The following ARHGEF37 variants were observed in gnomAD, a reference collection of about 807,000 sequenced individuals.
ARHGEF37 encodes Rho guanine nucleotide exchange factor (GEF) 37.
Under a neutral mutation model 71.1 loss-of-function variants are expected in ARHGEF37, and 55 were observed. The observed-to-expected ratio is 0.77, with a 90% CI of 0.62 to 0.97. The LOEUF is 0.97. Among genes scored for constraint, ARHGEF37 ranks in the 50% least tolerant of loss-of-function variants. The probability of loss-of-function intolerance (pLI) is 0.00; values close to 1 mark genes in which losing one functional copy is unlikely to be tolerated. For synonymous variants in ARHGEF37, 327 were observed against 350.6 expected (o/e 0.93, Z 0.75); for missense variants, 765 against 836.8 (o/e 0.91, Z 1.06).
chr5:149,618,986 T>C lies in ARHGEF37; in HGVS notation c.838T>C (p.Ser280Pro), dbSNP rs1222849327. 6.2e-7 allele frequency: 1 copy of C among 1,614,136 alleles called. No homozygotes were observed. Among genetic ancestry groups the C allele is most frequent in the South Asian group, 1.1e-5 (1 of 91,076 alleles). ...TTTAGAAGAGAGGTTCCAGTGGGTG[T>C]CTCTGTGTGTGACTGAGCTGAAGAA... The part of the protein sequence containing the change: ...DDLEERFQWV[S>P]LCVTELKNNV... Residue 280 changes from serine (S) to proline (P), a missense_variant, in exon 7 of 13, where the codon TCT becomes CCT. Ser to Pro is a moderately conservative substitution (Grantham distance 74, BLOSUM62 -1). Coordinates refer to ENST00000333677, the MANE Select transcript of ARHGEF37 (RefSeq NM_001001669.3).
chr5:149,619,401 C>T (rs924236026), intron 7 of ARHGEF37, among the ~76,000 whole-genome samples: 1 of 152,148 alleles, frequency 6.6e-6, no homozygotes, highest in African/African-American at 2.4e-5. Context: ...AACAGGCAAT[C>T]CAATGCAATA....
chr5:149,573,177 G>A (rs959096013), intron 1 of ARHGEF37, among the ~76,000 whole-genome samples: 22 of 152,102 alleles, frequency 1.4e-4, no homozygotes, highest in African/African-American at 5.3e-4. Context: ...ACTACCTTGA[G>A]GATGGTACCA....
upstream of ARHGEF37, among the ~76,000 whole-genome samples, chr5:149,581,241 C>T (rs1433852854): frequency 1.3e-5 from 2 of 152,188 alleles, no homozygotes; most frequent in Non-Finnish European, 2.9e-5. Flanking sequence ...ATGACGAGCC[C>T]GCGGAGAAGG....
rs1763784245 is a variant in ARHGEF37, at chr5:149,602,460, G to C, written c.310+1229G>C. Among the ~76,000 whole-genome samples the C allele has an allele frequency of 2.0e-5, 3 of 151,566 alleles. No individual in the cohort carries two copies. The South Asian group carries it at 6.3e-4, about 32-fold the overall frequency. On this transcript the variant is annotated intron_variant, in intron 3 of 12. Coordinates refer to ENST00000333677, the MANE Select transcript of ARHGEF37 (RefSeq NM_001001669.3). ...CAGTTGGGGGCTTTACTGTGGCCCA[G>C]ATGAGAAATGAGGATAGTCTCCTTT...
In ARHGEF37 at chr5:149,597,816, C is replaced by G; in HGVS notation, c.47C>G (p.Pro16Arg). ...ADEPSSRSGS[P>R]DREGRASEDR... ...GAGCCATCCTCCAGGTCAGGGAGTC[C>G]GGACAGGGAAGGTAGGGCCTCTGAG... is the stretch of plus-strand genomic sequence containing the variant. Residue 16 changes from proline (P) to arginine (R), a missense_variant, in exon 2 of 13, where the codon CCG becomes CGG. Pro to Arg is a moderately radical substitution (Grantham distance 103, BLOSUM62 -2). Coordinates refer to ENST00000333677, the MANE Select transcript of ARHGEF37 (RefSeq NM_001001669.3). 8 of 1,591,970 alleles carry G rather than the reference C, an allele frequency of 5.0e-6. No individual in the cohort carries two copies. The highest frequency in any genetic ancestry group is 6.8e-6 in the Non-Finnish European group (8 of 1,170,482).
At chr5:149,589,494 AT>A (rs1328635104) in intron 1 of ARHGEF37, among the ~76,000 whole-genome samples, 1 of 151,570 alleles carries the variant, frequency 6.6e-6, no homozygotes, top group East Asian at 2.0e-4. Context: ...TGCCTGGCTA[AT>A]TTTTTGTTTT....
intron 11 of ARHGEF37, among the ~76,000 whole-genome samples, chr5:149,627,692 G>T (rs1015630798): frequency 6.6e-6 from 1 of 152,206 alleles, no homozygotes; most frequent in Admixed American, 6.5e-5. Context: ...AGAATGAGGG[G>T]AGCGATCATC....
At chr5:149,572,602 T>C (rs570194386) in intron 1 of ARHGEF37, among the ~76,000 whole-genome samples, 16 of 152,324 alleles carry the variant, frequency 1.1e-4, no homozygotes, top group Admixed American at 3.9e-4. Flanking sequence ...AGTGTCCTGA[T>C]AGTTGGTCAA....
rs1157531649 is a variant in ARHGEF37, at chr5:149,624,147, A to C, written c.1464+7A>C. On this transcript the variant is annotated splice_region_variant and intron_variant, in intron 10 of 12. Transcript: ENST00000333677. ...GCCACCTCCCACCACACAAGTAAGC[A>C]TCCTTCCTCCACCCCAAAGACTGTC... is the stretch of plus-strand genomic sequence containing the variant. The C allele has an allele frequency of 6.2e-7, 1 of 1,604,428 alleles. No homozygotes were observed.
chr5:149,600,680 G>A (rs191663905), intron 2 of ARHGEF37, among the ~76,000 whole-genome samples: 10 of 148,952 alleles, frequency 6.7e-5, no homozygotes, highest in Admixed American at 1.4e-4. Context: ...TCGCTCTGTC[G>A]CCCAGGCTGG....
At chr5:149,594,994 A>G (rs1383811061) in intron 1 of ARHGEF37, among the ~76,000 whole-genome samples, 2 of 152,210 alleles carry the variant, frequency 1.3e-5, no homozygotes. Context: ...GTGTGATTCC[A>G]TTTACATGAA....
intron 1 of ARHGEF37, among the ~76,000 whole-genome samples, chr5:149,587,146 G>A (rs1047838573): frequency 6.6e-6 from 1 of 152,142 alleles, no homozygotes; most frequent in Non-Finnish European, 1.5e-5. Context: ...TCTCTATCAT[G>A]GCTGAAATGA....
In ARHGEF37 at chr5:149,609,080, G is replaced by A. The variant is rs112862686; in HGVS notation, c.311-468G>A. Among the ~76,000 whole-genome samples the A allele has an allele frequency of 2.9e-4, 44 of 152,204 alleles. 1 individual carries two copies. The highest frequency in any genetic ancestry group is 9.9e-4 in the African/African-American group (41 of 41,522). On this transcript the variant is annotated intron_variant, in intron 3 of 12. Transcript: ENST00000333677. ...TGAGCCTGTAATCCCAGCTACTCAGGAGGCTGAGGCAGAGAATGGCATGAA... is the reference window on the plus strand; with the variant it reads ...TGAGCCTGTAATCCCAGCTACTCAGAAGGCTGAGGCAGAGAATGGCATGAA...
At chr5:149,606,704 G>T (rs893516245) in intron 3 of ARHGEF37, 6 of 152,156 alleles carry the variant, frequency 3.9e-5, no homozygotes, top group African/African-American at 1.4e-4. Context: ...TCTCTATATT[G>T]TTCCAACTTT....
rs1203863250 is a variant in ARHGEF37 at position 149,609,608 on chromosome 5, G to GCTA, written c.373_375dup (p.Tyr125dup). ...CAAGTCTATAAGGTCTACTGTGCCA[G>GCTA]CTACGACCAGGCCTTGCTACTGGTG... On this transcript the variant is annotated inframe_insertion, in exon 4 of 13. Coordinates refer to ENST00000333677, the MANE Select transcript of ARHGEF37 (RefSeq NM_001001669.3). The GCTA allele has an allele frequency of 3.7e-6, 6 of 1,613,872 alleles. No homozygotes were observed. The East Asian group carries it at 1.1e-4, about 30-fold the overall frequency.
rs866416915 is a variant in ARHGEF37 at position 149,598,820 on chromosome 5, G to A, written c.186+865G>A. Among the ~76,000 whole-genome samples, 21 of 146,944 alleles carry A rather than the reference G, an allele frequency of 1.4e-4. No homozygotes were observed. In the East Asian group the frequency reaches 1.9e-3, roughly 13 times the overall value. On this transcript the variant is annotated intron_variant, in intron 2 of 12. Coordinates refer to ENST00000333677, the MANE Select transcript of ARHGEF37 (RefSeq NM_001001669.3). ...TATAGATATATATATGTGTGTGTGT[G>A]TGTATATATATATGTATATTTATAT...
chr5:149,601,435 G>A (rs1275296545), intron 3 of ARHGEF37, among the ~76,000 whole-genome samples: 2 of 152,152 alleles, frequency 1.3e-5, no homozygotes, highest in East Asian at 1.9e-4. Flanking sequence ...TACAGAGACC[G>A]AGCCCCAGAG....
At position 149,623,997 on chromosome 5, in the gene ARHGEF37, T is replaced by C; in HGVS notation, c.1336-15T>C. On this transcript the variant is annotated splice_polypyrimidine_tract_variant and intron_variant, in intron 9 of 12. Coordinates refer to ENST00000333677, the MANE Select transcript of ARHGEF37 (RefSeq NM_001001669.3). ...CTCTTGCCCAGCTCTGTTGACAGTG[T>C]CTGTCCCCACTTAGCTGCCCCACCA... is the stretch of plus-strand genomic sequence containing the variant. 2.5e-6 allele frequency: 4 copies of C among 1,587,286 alleles called. No individual in the cohort carries two copies. Among genetic ancestry groups the C allele is most frequent in the Non-Finnish European group, 2.6e-6 (3 of 1,159,606 alleles).
At chr5:149,585,544 T>G (rs1368464177) in intron 1 of ARHGEF37, among the ~76,000 whole-genome samples, 1 of 152,140 alleles carries the variant, frequency 6.6e-6, no homozygotes, top group Non-Finnish European at 1.5e-5. Context: ...TAGAGACGGA[T>G]TCTTGCTCTG....
Sources: gnomAD v4.1 joint callset for allele counts (sites outside exome capture counted in the v4.1 genomes callset) on GRCh38, gnomAD v4.1.1 for gene constraint, MANE v1.5 for transcripts, NCBI Gene and HGNC (gene_info 2026-07-23, HGNC 2026-07-21) for gene names.